RIT2: variants seen among roughly 807,000 people sequenced by gnomAD.
RIT2 encodes GTP-binding protein Rit2.
Under a neutral mutation model 23.7 loss-of-function variants are expected in RIT2, and 24 were observed. The observed-to-expected ratio is 1.01, with a 90% CI of 0.73 to 1.43. The LOEUF (loss-of-function observed/expected upper bound fraction) is 1.43, where lower values mean the gene tolerates loss of function less well. Among genes scored for constraint, RIT2 ranks in the 40% most tolerant of loss-of-function variants. The probability of loss-of-function intolerance (pLI) is 0.00; values close to 1 mark genes in which losing one functional copy is unlikely to be tolerated. For missense variants in RIT2, 236 were observed against 266.9 expected (o/e 0.88, Z 0.81); for synonymous variants, 107 against 91.1 (o/e 1.17, Z -0.99).
intron 4 of RIT2, among the ~76,000 whole-genome samples, chr18:42,915,063 T>C (rs2144123233): frequency 6.6e-6 from 1 of 152,076 alleles, no homozygotes; most frequent in Non-Finnish European, 1.5e-5. Context: ...ATTCTGAGTA[T>C]TTGTAGTTCA....
intron 4 of RIT2, among the ~76,000 whole-genome samples, chr18:42,840,792 C>A (rs986961346): frequency 6.6e-6 from 1 of 152,222 alleles, no homozygotes; most frequent in Non-Finnish European, 1.5e-5. Flanking sequence ...TGAGCCACCG[C>A]GCCCAGCTGC....
intron 4 of RIT2, among the ~76,000 whole-genome samples, chr18:42,848,803 T>C (rs1031932646): frequency 6.6e-6 from 1 of 152,178 alleles, no homozygotes; most frequent in Non-Finnish European, 1.5e-5. Context: ...TATTCAACTT[T>C]AGGAGTTATT....
At chr18:42,766,995 C>G (rs1461272770) in intron 4 of RIT2, among the ~76,000 whole-genome samples, 2 of 152,154 alleles carry the variant, frequency 1.3e-5, no homozygotes, top group East Asian at 3.9e-4. Context: ...TATGGAAATG[C>G]CTGGATGCCC....
chr18:43,004,588 A>C (rs1266352633), intron 2 of RIT2, among the ~76,000 whole-genome samples: 1 of 151,870 alleles, frequency 6.6e-6, no homozygotes. Context: ...AAGTGCAATT[A>C]GTCCATTCTG....
chr18:42,919,643 G>A (rs1003625071), intron 4 of RIT2, among the ~76,000 whole-genome samples: 2 of 152,092 alleles, frequency 1.3e-5, no homozygotes, highest in African/African-American at 2.4e-5. Context: ...GAAGCTGGGA[G>A]GTGGAAGTTG....
intron 4 of RIT2, among the ~76,000 whole-genome samples, chr18:42,862,266 C>G (rs1054894489): frequency 1.3e-5 from 2 of 151,922 alleles, no homozygotes; most frequent in Non-Finnish European, 1.5e-5. Context: ...TCCCTTCACT[C>G]TCTCTCTCTC....
chr18:42,928,803 C>T (rs534103365), intron 3 of RIT2, among the ~76,000 whole-genome samples: 1 of 151,360 alleles, frequency 6.6e-6, no homozygotes, highest in Admixed American at 6.6e-5. Flanking sequence ...AAGATTATGC[C>T]TAAAAGTCAA....
intron 4 of RIT2, among the ~76,000 whole-genome samples, chr18:42,862,669 T>C (rs962900878): frequency 6.6e-6 from 1 of 152,228 alleles, no homozygotes; most frequent in African/African-American, 2.4e-5. Context: ...GGCTCTCCCT[T>C]TATACATTTA....
chr18:42,953,538 C>T (rs556130509), intron 3 of RIT2, among the ~76,000 whole-genome samples: 22 of 152,074 alleles, frequency 1.4e-4, no homozygotes, highest in Non-Finnish European at 2.8e-4. Flanking sequence ...CATGACCTAC[C>T]GACTCTGGCC....
At chr18:42,852,256 C>T (rs1360937211) in intron 4 of RIT2, among the ~76,000 whole-genome samples, 2 of 152,166 alleles carry the variant, frequency 1.3e-5, no homozygotes, top group Non-Finnish European at 2.9e-5. Flanking sequence ...TAATCAGGTT[C>T]TTTGCTGTTG....
At chr18:42,961,663 G>A (rs1198707848) in intron 3 of RIT2, among the ~76,000 whole-genome samples, 2 of 152,176 alleles carry the variant, frequency 1.3e-5, no homozygotes, top group African/African-American at 2.4e-5. Flanking sequence ...CTATTAATGA[G>A]TTGACTTCAT....
chr18:42,743,791 C>A, intron 4 of RIT2, 71 bp from the exon 5 acceptor site: 1 of 1,210,670 alleles, frequency 8.3e-7, no homozygotes, highest in Non-Finnish European at 1.2e-6. Flanking sequence ...ACGTTCTCTA[C>A]TAGAGCTGTG....
intron 1 of RIT2, among the ~76,000 whole-genome samples, chr18:43,075,986 A>G (rs1000833876): frequency 6.6e-6 from 1 of 152,176 alleles, no homozygotes; most frequent in Non-Finnish European, 1.5e-5. Flanking sequence ...TCATTTTAAC[A>G]TAGGGAGCCA....
At chr18:42,797,751 G>T (rs1173958723) in intron 4 of RIT2, among the ~76,000 whole-genome samples, 2 of 152,180 alleles carry the variant, frequency 1.3e-5, no homozygotes, top group African/African-American at 4.8e-5. Flanking sequence ...AATTTACATG[G>T]ATAGAAAGCA....
chr18:43,112,230 T>C (rs1913968851), intron 1 of RIT2, among the ~76,000 whole-genome samples: 1 of 152,174 alleles, frequency 6.6e-6, no homozygotes, highest in South Asian at 2.1e-4. Flanking sequence ...TAGAGTTAGA[T>C]AAAACATCAC....
At chr18:43,070,467 A>G (rs567085183) in intron 1 of RIT2, among the ~76,000 whole-genome samples, 2 of 152,326 alleles carry the variant, frequency 1.3e-5, no homozygotes, top group South Asian at 4.1e-4. Context: ...ATAAAACTAC[A>G]GTGAGTCCCT....
chr18:43,101,446 A>G (rs1198137387), intron 1 of RIT2, among the ~76,000 whole-genome samples: 3 of 152,232 alleles, frequency 2.0e-5, no homozygotes, highest in African/African-American at 4.8e-5. Context: ...ATACAAAGAC[A>G]TAAAGGTATA....
chr18:43,007,889 A>G (rs369851793), intron 2 of RIT2, among the ~76,000 whole-genome samples: 218 of 151,856 alleles, frequency 1.4e-3, no homozygotes, highest in Non-Finnish European at 2.7e-3. Flanking sequence ...TTTTATAAAA[A>G]CATTCCAAAA....
chr18:43,015,302 T>G (rs1911448323), intron 2 of RIT2, among the ~76,000 whole-genome samples: 1 of 151,634 alleles, frequency 6.6e-6, no homozygotes, highest in African/African-American at 2.4e-5. Context: ...ACCTCCAGTT[T>G]CAGAGCTTGA....
Sources: gnomAD v4.1 joint callset for allele counts (sites outside exome capture counted in the v4.1 genomes callset) on GRCh38, gnomAD v4.1.1 for gene constraint, MANE v1.5 for transcripts, NCBI Gene and HGNC (gene_info 2026-07-23, HGNC 2026-07-21) for gene names.